SERPINA6: variants seen among roughly 807,000 people sequenced by gnomAD.
The protein encoded by SERPINA6 is serpin family A member 6.
SERPINA6 carries 19 observed loss-of-function variants against 26.4 expected under a neutral mutation model. The observed-to-expected ratio is 0.72, with a 90% confidence interval of 0.50 to 1.06. SERPINA6 has a LOEUF of 1.06. Among genes scored for constraint, SERPINA6 ranks in the 50% least tolerant of loss-of-function variants. The pLI is 0.00. For synonymous variants in SERPINA6, 196 were observed against 199.4 expected (o/e 0.98, Z 0.14); for missense variants, 473 against 504.0 (o/e 0.94, Z 0.59).
intron 1 of SERPINA6, among the ~76,000 whole-genome samples, chr14:94,315,183 T>C (rs997807348): frequency 6.8e-6 from 1 of 146,494 alleles, no homozygotes; most frequent in Non-Finnish European, 1.5e-5. Context: ...TTAAGCTGAA[T>C]GAAGAAATAA....
Position 94,304,575 on chromosome 14 carries a change from T to A in SERPINA6, c.1061A>T (p.Asn354Ile). The A allele has an allele frequency of 6.2e-7, 1 of 1,614,128 alleles. No homozygotes were observed. Among genetic ancestry groups the A allele is most frequent in the Non-Finnish European group, 8.5e-7 (1 of 1,180,020 alleles). The change falls in exon 5 of 5, where the codon AAT becomes ATT. Residue 354 changes from asparagine to isoleucine, a missense_variant. By Grantham distance (149) the Asn-to-Ile change is moderately radical. Coordinates refer to ENST00000341584, the MANE Select transcript of SERPINA6 (RefSeq NM_001756.4). The part of the protein sequence containing the change: ...KVVHKAVLQL[N>I]EEGVDTAGST... ...GCCAGCTGTGTCCACACCCTCCTCA[T>A]TGAGTTGCAGCACAGCTTTATGGAC...
chr14:94,313,593 A>G (rs2139722093), intron 2 of SERPINA6, among the ~76,000 whole-genome samples: 1 of 152,314 alleles, frequency 6.6e-6, no homozygotes, highest in South Asian at 2.1e-4. Flanking sequence ...CCAGGTTTTT[A>G]TGAACAGGAA....
rs1895500182 is a variant in SERPINA6 at position 94,309,834 on chromosome 14, A to T, written c.786T>A (p.Thr262=). The T allele has an allele frequency of 6.2e-7, 1 of 1,614,226 alleles. No individual in the cohort carries two copies. Among genetic ancestry groups the T allele is most frequent in the African/African-American group, 1.3e-5 (1 of 75,056 alleles). ...LVQMNYVGNG[T]VFFILPDKGK... ...CCTTGTCCGGAAGGATGAAGAAGAC[A>T]GTCCCATTGCCCACGTAGTTCATCT... Residue 262 remains threonine (T), a synonymous_variant, in exon 3 of 5, where the codon ACT becomes ACA. Transcript: ENST00000341584.
intron 1 of SERPINA6, 28 bp from the exon 2 acceptor site, chr14:94,314,695 G>A: frequency 1.2e-6 from 2 of 1,602,184 alleles, no homozygotes; most frequent in Non-Finnish European, 1.7e-6. Context: ...CTTGTTAGAT[G>A]CTGTGGCAGT....
Position 94,314,660 on chromosome 14 carries a change from G to T in SERPINA6, c.-12C>A, listed in dbSNP as rs45549140. On this transcript the variant is annotated 5_prime_UTR_variant, in exon 2 of 5. Transcript: ENST00000341584. The stretch of plus-strand genomic sequence containing the variant: ...AGGAGGAGTGGCATTGTCCAGTATA[G>T]CCAGGCCCTGCCAAATCAGAAAAGC... 68 of 1,610,992 alleles carry T rather than the reference G, an allele frequency of 4.2e-5. No individual in the cohort carries two copies. Among genetic ancestry groups the T allele is most frequent in the Non-Finnish European group, 5.7e-5 (67 of 1,179,960 alleles).
Position 94,314,040 on chromosome 14 carries a change from G to A in SERPINA6, c.609C>T (p.Phe203=). ...AILVLVNYIF[F]KGTWTQPFDL... is the part of the protein sequence containing the mutation. ...GATGGGGATGGGTGGGAATACCTTTGAAGAAGATATAGTTGACCAGGACGA... is the reference window on the plus strand; with the variant it reads ...GATGGGGATGGGTGGGAATACCTTTAAAGAAGATATAGTTGACCAGGACGA... The change falls in exon 2 of 5, where the codon TTC becomes TTT. Residue 203 remains phenylalanine (F), a synonymous_variant. Coordinates refer to ENST00000341584, the MANE Select transcript of SERPINA6 (RefSeq NM_001756.4). 2 of 1,614,154 alleles carry A rather than the reference G, an allele frequency of 1.2e-6. No homozygotes were observed. Among genetic ancestry groups the A allele is most frequent in the Middle Eastern group, 1.6e-4 (1 of 6,062 alleles).
At position 94,306,205 on chromosome 14, in the gene SERPINA6, A is replaced by G. The variant is rs780718516; in HGVS notation, c.898T>C (p.Tyr300His). Residue 300 changes from tyrosine to histidine, a missense_variant, in exon 4 of 5, where the codon TAC becomes CAC. Transcript: ENST00000341584. ...CCAGAGATGGTGACCTTTGGAATGT[A>G]CAGGTCCACCTGGCTGCTCGGGGTA... is the stretch of plus-strand genomic sequence containing the variant. ...AGLTSSQVDLYIPKVTISGVY... is the reference protein window; with the variant it reads ...AGLTSSQVDLHIPKVTISGVY... 6.2e-7 allele frequency: 1 copy of G among 1,614,216 alleles called. No individual in the cohort carries two copies. The highest frequency in any genetic ancestry group is 2.2e-5 in the East Asian group (1 of 44,882).
chr14:94,320,489 C>A (rs1025328724), intron 1 of SERPINA6, among the ~76,000 whole-genome samples: 3 of 152,102 alleles, frequency 2.0e-5, no homozygotes, highest in African/African-American at 7.2e-5. Context: ...CCTTCTTCTG[C>A]CTGTAAATAC....
Position 94,304,549 on chromosome 14 carries a change from A to G in SERPINA6, c.1087T>C (p.Ser363Pro). ...GTCAGGTTTAGGGTGACCCCAGTGG[A>G]GCCAGCTGTGTCCACACCCTCCTCA... ...LNEEGVDTAG[S>P]TGVTLNLTSK... Residue 363 changes from serine (S) to proline (P), a missense_variant, in exon 5 of 5, where the codon TCC becomes CCC. Transcript: ENST00000341584. 6.2e-7 allele frequency: 1 copy of G among 1,614,208 alleles called. No homozygotes were observed. Among genetic ancestry groups the G allele is most frequent in the African/African-American group, 1.3e-5 (1 of 75,050 alleles).
At chr14:94,317,949 C>T (rs187210256) in intron 1 of SERPINA6, among the ~76,000 whole-genome samples, 116 of 152,286 alleles carry the variant, frequency 7.6e-4, no homozygotes, top group African/African-American at 2.7e-3. Context: ...GTTCAAAACC[C>T]TAAAAATTCT....
intron 3 of SERPINA6, among the ~76,000 whole-genome samples, chr14:94,309,508 CTG>C (rs1404551732): frequency 6.6e-6 from 1 of 152,190 alleles, no homozygotes; most frequent in African/African-American, 2.4e-5. Flanking sequence ...GAACCTCACT[CTG>C]TGAAATGCCC....
chr14:94,317,268 A>G (rs1221331697), intron 1 of SERPINA6, among the ~76,000 whole-genome samples: 1 of 152,244 alleles, frequency 6.6e-6, no homozygotes, highest in East Asian at 1.9e-4. Flanking sequence ...AAAATAAAAG[A>G]AAAAATCACA....
intron 1 of SERPINA6, among the ~76,000 whole-genome samples, chr14:94,321,889 G>C (rs1453427751): frequency 2.0e-5 from 3 of 152,198 alleles, no homozygotes; most frequent in Non-Finnish European, 2.9e-5. Context: ...CCAATGGTAG[G>C]ATGGGCTCCC....
In SERPINA6 at chr14:94,314,088, T is replaced by G. The variant is rs1167452476; in HGVS notation, c.561A>C (p.Ser187=). The G allele has an allele frequency of 6.2e-7, 1 of 1,614,070 alleles. No individual in the cohort carries two copies. The highest frequency in any genetic ancestry group is 1.3e-5 in the African/African-American group (1 of 74,928). ...CGAGGATGGCTGGGCTATCCAGCCC[T>G]GAAAACAAGTCGACAATTTTCCCCT... is the stretch of plus-strand genomic sequence containing the variant. ...KTQGKIVDLF[S]GLDSPAILVL... The change falls in exon 2 of 5, where the codon TCA becomes TCC. Residue 187 remains serine, a synonymous_variant. Coordinates refer to ENST00000341584, the MANE Select transcript of SERPINA6 (RefSeq NM_001756.4).
Position 94,314,483 on chromosome 14 carries a change from CCA to C in SERPINA6, c.164_165del (p.Val55GlyfsTer44), listed in dbSNP as rs771441863. On this transcript the variant is annotated frameshift_variant, in exon 2 of 5. Coordinates refer to ENST00000341584, the MANE Select transcript of SERPINA6 (RefSeq NM_001756.4). LOFTEE classifies it high-confidence loss of function. ...DFAFSLYKHL[V>X]ALSPKKNIFI... is the part of the protein sequence containing the mutation. ...AAAATGTTCTTTTTGGGACTCAAGG[CCA>C]CTAGGTGCTTATACAGGCTGAAGGC... 21 of 1,614,052 alleles carry C rather than the reference CCA, an allele frequency of 1.3e-5. 1 individual carries two copies. The highest frequency in any genetic ancestry group is 8.3e-5 in the Admixed American group (5 of 60,002).
intron 2 of SERPINA6, 85 bp downstream of exon 2, chr14:94,313,949 CTT>C (rs747663484): frequency 1.4e-6 from 2 of 1,430,582 alleles, no homozygotes; most frequent in African/African-American, 1.4e-5. Flanking sequence ...GAATCAAAGA[CTT>C]TGCCCAAGAG....
chr14:94,317,611 G>A (rs775575288), intron 1 of SERPINA6, among the ~76,000 whole-genome samples: 6 of 152,182 alleles, frequency 3.9e-5, no homozygotes, highest in Non-Finnish European at 7.3e-5. Context: ...CAAAGTGTCT[G>A]TGAGCCTAAT....
Position 94,314,315 on chromosome 14 carries a change from G to C in SERPINA6, c.334C>G (p.Leu112Val). The C allele has an allele frequency of 1.2e-6, 2 of 1,614,210 alleles. No individual in the cohort carries two copies. The highest frequency in any genetic ancestry group is 1.7e-6 in the Non-Finnish European group (2 of 1,180,024). The change falls in exon 2 of 5, where the codon CTG (leucine) becomes GTG (valine). Residue 112 changes from leucine (L) to valine (V), a missense_variant. Leu to Val is a conservative substitution (Grantham distance 32). Transcript: ENST00000341584. The part of the protein sequence containing the change: ...ETEIHQGFQH[L>V]HQLFAKSDTS... ...TCTGACTTTGCAAAGAGTTGGTGCA[G>C]GTGCTGGAAACCCTGGTGGATCTCA...
intron 1 of SERPINA6, among the ~76,000 whole-genome samples, chr14:94,317,248 T>C (rs2139725768): frequency 6.6e-6 from 1 of 152,292 alleles, no homozygotes; most frequent in Non-Finnish European, 1.5e-5. Context: ...GTGTAATACA[T>C]CATATTAACA....
Sources: allele counts gnomAD v4.1 joint callset (sites outside exome capture counted in the v4.1 genomes callset), GRCh38; gene constraint gnomAD v4.1.1; transcripts MANE v1.5; gene names NCBI Gene and HGNC (gene_info 2026-07-23, HGNC 2026-07-21).